Variants in SLC35F4 observed in about 807,000 individuals in gnomAD.
SLC35F4 encodes solute carrier family 35 member F4.
SLC35F4 carries 24 observed loss-of-function variants against 44.2 expected under a neutral mutation model. That is an observed-to-expected ratio of 0.54 (90% CI 0.39 to 0.76). SLC35F4 has a LOEUF of 0.76. Among genes scored for constraint, SLC35F4 ranks in the 30% least tolerant of loss-of-function variants. The pLI is 0.00. For missense variants in SLC35F4, 562 were observed against 586.1 expected (o/e 0.96, Z 0.42); for synonymous variants, 238 against 223.6 (o/e 1.06, Z -0.57).
Position 57,892,722 on chromosome 14 carries a change from C to T in SLC35F4, n.282+89191G>A, listed in dbSNP as rs1034587332. ...AGCACCTTAATATTAGAGGTAAAATCCACAATTGGTACTCTTTACAAAAGT... is the reference window on the plus strand; with the variant it reads ...AGCACCTTAATATTAGAGGTAAAATTCACAATTGGTACTCTTTACAAAAGT... On this transcript the variant is annotated intron_variant and non_coding_transcript_variant, in intron 1 of 1. Coordinates refer to the SLC35F4 transcript ENST00000556568. Among the ~76,000 whole-genome samples the T allele has an allele frequency of 5.9e-5, 9 of 152,150 alleles. 1 individual carries two copies. In the South Asian group the frequency reaches 1.9e-3, roughly 32 times the overall value.
chr14:57,592,869 A>T (rs568024165), intron 2 of SLC35F4, among the ~76,000 whole-genome samples: 1 of 151,906 alleles, frequency 6.6e-6, no homozygotes, highest in African/African-American at 2.4e-5. Flanking sequence ...TTTACTACCA[A>T]CTTATTTTGG....
At chr14:57,867,726 T>C (rs1329143138), upstream of SLC35F4, among the ~76,000 whole-genome samples, 2 of 152,300 alleles carry the variant, frequency 1.3e-5, no homozygotes, top group Non-Finnish European at 2.9e-5. Flanking sequence ...ATTTTAAATG[T>C]CACTTTTGTT....
intron 1 of SLC35F4, among the ~76,000 whole-genome samples, chr14:57,616,422 C>T (rs1008325015): frequency 1.3e-5 from 2 of 152,198 alleles, no homozygotes; most frequent in African/African-American, 4.8e-5. Flanking sequence ...GGGTTACAAT[C>T]AAAGTTGTGA....
chr14:57,681,804 A>G (rs372626100), intron 1 of SLC35F4, among the ~76,000 whole-genome samples: 22 of 152,160 alleles, frequency 1.4e-4, no homozygotes, highest in African/African-American at 5.3e-4. Context: ...ATTTACAAGA[A>G]AAAAACAACC....
intron 1 of SLC35F4, among the ~76,000 whole-genome samples, chr14:57,906,753 T>C (rs1260560412): frequency 6.6e-6 from 1 of 152,226 alleles, no homozygotes; most frequent in Non-Finnish European, 1.5e-5. Context: ...TTGTCAAATA[T>C]TCCTAAGCTG....
At chr14:57,891,758 C>G (rs1888771837) in intron 1 of SLC35F4, among the ~76,000 whole-genome samples, 2 of 152,042 alleles carry the variant, frequency 1.3e-5, no homozygotes. Context: ...CACCTGTAGT[C>G]CCAGCTACTT....
chr14:57,791,786 A>G (rs1041846591), intron 1 of SLC35F4, among the ~76,000 whole-genome samples: 15 of 152,340 alleles, frequency 9.8e-5, no homozygotes, highest in African/African-American at 3.6e-4. Flanking sequence ...ATGCAGCTAT[A>G]AAAAAAGATG....
At chr14:57,647,554 T>G (rs572057943) in intron 1 of SLC35F4, among the ~76,000 whole-genome samples, 6 of 152,246 alleles carry the variant, frequency 3.9e-5, no homozygotes, top group Admixed American at 2.6e-4. Flanking sequence ...TTCAACCCCT[T>G]AATGTTTCAG....
chr14:57,710,648 C>A (rs185037102), intron 1 of SLC35F4, among the ~76,000 whole-genome samples: 1 of 152,090 alleles, frequency 6.6e-6, no homozygotes, highest in East Asian at 1.9e-4. Context: ...CCATGGGAGT[C>A]GACCTCTTGC....
At chr14:57,646,536 C>T (rs768827370) in intron 1 of SLC35F4, among the ~76,000 whole-genome samples, 73 of 151,818 alleles carry the variant, frequency 4.8e-4, no homozygotes, top group Non-Finnish European at 8.5e-4. Context: ...TAGTTGCTAG[C>T]GGTCTATCTA....
intron 1 of SLC35F4, among the ~76,000 whole-genome samples, chr14:57,736,890 G>A (rs1754102299): frequency 6.6e-6 from 1 of 152,122 alleles, no homozygotes; most frequent in Non-Finnish European, 1.5e-5. Context: ...CAGAGTTTTG[G>A]GAGCTGCAAT....
intron 1 of SLC35F4, among the ~76,000 whole-genome samples, chr14:57,872,336 T>C (rs1595259543): frequency 6.6e-6 from 1 of 151,880 alleles, no homozygotes; most frequent in Admixed American, 6.6e-5. Context: ...TGGACATTCA[T>C]CCTTTTTTTT....
intron 1 of SLC35F4, among the ~76,000 whole-genome samples, chr14:57,892,098 T>A (rs983752719): frequency 1.2e-4 from 18 of 152,240 alleles, no homozygotes; most frequent in African/African-American, 4.1e-4. Flanking sequence ...ATTACTCAAT[T>A]CCCTTATCAG....
intron 1 of SLC35F4, among the ~76,000 whole-genome samples, chr14:57,782,079 A>G (rs964971935): frequency 6.6e-6 from 1 of 152,216 alleles, no homozygotes; most frequent in African/African-American, 2.4e-5. Context: ...TTAAAAAGAA[A>G]GTAGTACAAG....
intron 1 of SLC35F4, among the ~76,000 whole-genome samples, chr14:57,871,839 T>G (rs1159804630): frequency 6.6e-6 from 1 of 152,226 alleles, no homozygotes; most frequent in East Asian, 1.9e-4. Flanking sequence ...TCAGGATGAC[T>G]CTGATACATA....
intron 1 of SLC35F4, among the ~76,000 whole-genome samples, chr14:57,882,309 T>A (rs1038319591): frequency 1.3e-5 from 2 of 152,148 alleles, no homozygotes; most frequent in Non-Finnish European, 2.9e-5. Flanking sequence ...ATTTTCAGAA[T>A]CCAGGTGAAA....
intron 1 of SLC35F4, among the ~76,000 whole-genome samples, chr14:57,908,939 C>G (rs1958846345): frequency 6.6e-6 from 1 of 152,164 alleles, no homozygotes; most frequent in African/African-American, 2.4e-5. Context: ...AGTCTTTAAT[C>G]CATCCTGAGT....
At chr14:57,893,152 GA>G (rs1389202625) in intron 1 of SLC35F4, among the ~76,000 whole-genome samples, 1 of 152,036 alleles carries the variant, frequency 6.6e-6, no homozygotes, top group African/African-American at 2.4e-5. Context: ...CCAACAGGGA[GA>G]AAAAAACTAA....
Position 57,758,003 on chromosome 14 carries a change from G to A in SLC35F4, c.103+107720C>T, listed in dbSNP as rs189340916. Among the ~76,000 whole-genome samples the A allele has an allele frequency of 2.0e-3, 195 of 96,480 alleles. 1 individual carries two copies. In the East Asian group the frequency reaches 0.023, roughly 11 times the overall value. The allele number at this position is 96,480 out of a possible 152,430, so 63.3% of individuals were successfully genotyped here. A position where few individuals can be genotyped will look rare whatever the true frequency, so the allele number is the denominator to read the frequency against. ...TCTGGGTATAGGATTATAGGTTCAT[G>A]TGTGTGTGTGTGTGTGTGTGTGTGT... On this transcript the variant is annotated intron_variant, in intron 1 of 7. Transcript: ENST00000556826.
Sources: allele counts gnomAD v4.1 joint callset (sites outside exome capture counted in the v4.1 genomes callset), GRCh38; gene constraint gnomAD v4.1.1; transcripts MANE v1.5; gene names NCBI Gene and HGNC (gene_info 2026-07-23, HGNC 2026-07-21).